CDC42BPB: variants seen among roughly 807,000 people sequenced by gnomAD.
CDC42BPB encodes the protein CDC42 binding protein kinase beta, also known as serine/threonine-protein kinase MRCK beta.
Under a neutral mutation model 214.9 loss-of-function variants are expected in CDC42BPB, and 37 were observed. The ratio of observed to expected loss-of-function variants is 0.17; its 90% CI spans 0.13 to 0.23. The LOEUF is 0.23. CDC42BPB is among the 10% of genes least tolerant of loss of function. The pLI is 1.00. For synonymous variants in CDC42BPB, 931 were observed against 884.0 expected, an observed-to-expected ratio of 1.05 and a Z score of -0.94; for missense variants, 1,694 against 2,227.0, an observed-to-expected ratio of 0.76 and a Z score of 4.82.
chr14:103,050,947 A>G (rs1394896232), intron 1 of CDC42BPB, among the ~76,000 whole-genome samples: 2 of 152,082 alleles, frequency 1.3e-5, no homozygotes, highest in East Asian at 3.8e-4. Context: ...TTATGTTTGA[A>G]TTTCTAATTC....
intron 1 of CDC42BPB, among the ~76,000 whole-genome samples, chr14:103,045,266 G>T (rs1305419353): frequency 6.6e-6 from 1 of 152,062 alleles, no homozygotes; most frequent in East Asian, 1.9e-4. Flanking sequence ...AATGATGAGG[G>T]GCAAGAATAT....
At chr14:102,938,829 T>C (rs1052549890) in intron 34 of CDC42BPB, among the ~76,000 whole-genome samples, 2 of 152,044 alleles carry the variant, frequency 1.3e-5, no homozygotes, top group South Asian at 2.1e-4. Flanking sequence ...GGTTTCTCCA[T>C]GTTGGCCAGG....
Position 102,983,667 on chromosome 14 carries a change from A to G in CDC42BPB, c.780T>C (p.Pro260=). 1 of 1,614,008 alleles carries G rather than the reference A, an allele frequency of 6.2e-7. No homozygotes were observed. Among genetic ancestry groups the G allele is most frequent in the Non-Finnish European group, 8.5e-7 (1 of 1,180,034 alleles). ...AMEDGMGKYG[P]ECDWWSLGVC... The stretch of plus-strand genomic sequence containing the variant: ...CACCCAGAGACCACCAGTCACACTC[A>G]GGCCCGTATTTGCCCATGCCGTCCT... Residue 260 remains proline, a synonymous_variant, in exon 7 of 37, where the codon CCT becomes CCC. Transcript: ENST00000361246.
chr14:102,990,003 G>T (rs549626509), intron 5 of CDC42BPB, among the ~76,000 whole-genome samples: 165 of 152,296 alleles, frequency 1.1e-3, no homozygotes, highest in African/African-American at 3.8e-3. Flanking sequence ...GACGATAGCA[G>T]AAGACAGCAG....
chr14:102,990,426 C>T (rs1272838166), intron 5 of CDC42BPB, among the ~76,000 whole-genome samples: 1 of 152,162 alleles, frequency 6.6e-6, no homozygotes, highest in South Asian at 2.1e-4. Context: ...TTTTTAGACA[C>T]ATCTCAGGAC....
chr14:103,016,486 G>GGGAACCAGGTGAGGGGAA (rs1337829067), intron 1 of CDC42BPB, among the ~76,000 whole-genome samples: 1 of 147,650 alleles, frequency 6.8e-6, no homozygotes, highest in Non-Finnish European at 1.5e-5. Context: ...GGTGAGGGGA[G>GGGAACCAGGTGAGGGGAA]GGAACCAGGT....
At chr14:103,027,360 C>T (rs377228593) in intron 1 of CDC42BPB, among the ~76,000 whole-genome samples, 1 of 152,200 alleles carries the variant, frequency 6.6e-6, no homozygotes, top group African/African-American at 2.4e-5. Context: ...CCAAAACTTG[C>T]ACACTGCATG....
chr14:102,961,139 C>T (rs765101252), intron 20 of CDC42BPB, among the ~76,000 whole-genome samples: 1 of 151,748 alleles, frequency 6.6e-6, no homozygotes, highest in African/African-American at 2.4e-5. Context: ...TGCACTCCAG[C>T]CTGGGCAACA....
chr14:102,951,462 C>T (rs1253022231), intron 24 of CDC42BPB, among the ~76,000 whole-genome samples: 5 of 151,862 alleles, frequency 3.3e-5, no homozygotes, highest in Admixed American at 6.6e-5. Flanking sequence ...ATGTCGAATC[C>T]CAGCACAGGG....
intron 19 of CDC42BPB, among the ~76,000 whole-genome samples, chr14:102,963,538 C>A (rs1893052186): frequency 6.6e-6 from 1 of 152,224 alleles, no homozygotes; most frequent in African/African-American, 2.4e-5. Context: ...CAAGAAGCAC[C>A]AGCACCACCC....
chr14:102,960,077 T>C lies in CDC42BPB; in HGVS notation c.2822-367A>G, dbSNP rs372816491. Among the ~76,000 whole-genome samples, 10 of 152,026 alleles carry C rather than the reference T, an allele frequency of 6.6e-5. 1 individual carries two copies. Among genetic ancestry groups the C allele is most frequent in the South Asian group, 4.2e-4 (2 of 4,802 alleles). On this transcript the variant is annotated intron_variant, in intron 20 of 36. Coordinates refer to ENST00000361246, the MANE Select transcript of CDC42BPB (RefSeq NM_006035.4). ...CAAAAATTAGCTGTGCATGGTGGTATGTGCCTGAAATCCCAGCTACTCGGG... is the reference window on the plus strand; with the variant it reads ...CAAAAATTAGCTGTGCATGGTGGTACGTGCCTGAAATCCCAGCTACTCGGG...
chr14:103,015,519 G>A (rs779096301), intron 1 of CDC42BPB, among the ~76,000 whole-genome samples: 1 of 152,044 alleles, frequency 6.6e-6, no homozygotes, highest in African/African-American at 2.4e-5. Flanking sequence ...AATTAAGACC[G>A]CATTAGCTAC....
intron 16 of CDC42BPB, among the ~76,000 whole-genome samples, chr14:102,967,891 T>C (rs932357471): frequency 5.3e-5 from 8 of 151,870 alleles, no homozygotes; most frequent in African/African-American, 1.7e-4. Flanking sequence ...GTCAGGAGAT[T>C]GAGACCATCC....
intron 1 of CDC42BPB, among the ~76,000 whole-genome samples, chr14:103,030,742 T>C (rs1267938766): frequency 1.3e-5 from 2 of 151,192 alleles, no homozygotes; most frequent in Non-Finnish European, 1.5e-5. Flanking sequence ...CCCAGCACTG[T>C]GGGAGCTGAG....
rs1893506631 is a variant in CDC42BPB, at chr14:102,972,220, A to AG, written c.1642-60dup. The AG allele has an allele frequency of 2.5e-6, 4 of 1,589,408 alleles. No homozygotes were observed. In the East Asian group the frequency reaches 9.0e-5, roughly 36 times the overall value. The stretch of plus-strand genomic sequence containing the variant: ...GCCTAACAAAGGCTTGGAAGGCTGG[A>AG]GGTTCGGTCTTCCATGATATTGAGG... On this transcript the variant is annotated intron_variant, in intron 12 of 36. Coordinates refer to ENST00000361246, the MANE Select transcript of CDC42BPB (RefSeq NM_006035.4).
chr14:102,946,822 C>T (rs1892201401), intron 27 of CDC42BPB, 138 bp from the exon 28 acceptor site: 2 of 1,453,112 alleles, frequency 1.4e-6, no homozygotes, highest in Admixed American at 2.6e-5. Flanking sequence ...CCCCTGACTC[C>T]ACCTCGCTGG....
chr14:102,942,554 C>T (rs537227770), intron 30 of CDC42BPB, among the ~76,000 whole-genome samples: 5 of 152,316 alleles, frequency 3.3e-5, no homozygotes, highest in Non-Finnish European at 7.3e-5. Context: ...GGTTTCCTTT[C>T]TGTTTTAAAA....
intron 1 of CDC42BPB, among the ~76,000 whole-genome samples, chr14:103,019,015 C>T (rs1281251101): frequency 6.6e-6 from 1 of 152,132 alleles, no homozygotes; most frequent in Non-Finnish European, 1.5e-5. Context: ...GTGATCACAG[C>T]TCACTGCAGC....
At chr14:102,979,199 T>C (rs150953854) in intron 8 of CDC42BPB, among the ~76,000 whole-genome samples, 15 of 151,798 alleles carry the variant, frequency 9.9e-5, no homozygotes, top group South Asian at 4.2e-4. Flanking sequence ...TCGGTGCAAA[T>C]AGATTTAACT....
Sources: gnomAD v4.1 joint callset for allele counts (sites outside exome capture counted in the v4.1 genomes callset) on GRCh38, gnomAD v4.1.1 for gene constraint, MANE v1.5 for transcripts, NCBI Gene and HGNC (gene_info 2026-07-23, HGNC 2026-07-21) for gene names.